PINK1: variants seen among roughly 807,000 people sequenced by gnomAD.
PINK1 encodes the protein PTEN induced kinase 1.
PINK1 carries 58 observed loss-of-function variants against 56.0 expected under a neutral mutation model. The observed-to-expected ratio is 1.04, with a 90% CI of 0.84 to 1.29. PINK1 has a LOEUF of 1.29. Ranked by LOEUF, PINK1 falls within the 50% of genes most tolerant of loss-of-function variation. The pLI, the probability that PINK1 is intolerant of heterozygous loss-of-function variation, is 0.00. For synonymous variants in PINK1, 354 were observed against 339.3 expected (o/e 1.04, Z -0.48); for missense variants, 745 against 777.9 (o/e 0.96, Z 0.50).
At chr1:20,644,936 C>T (rs1236384986) in intron 4 of PINK1, among the ~76,000 whole-genome samples, 1 of 152,258 alleles carries the variant, frequency 6.6e-6, no homozygotes, top group Admixed American at 6.5e-5. Context: ...TTAACCTTTT[C>T]TGTGGCTGGA....
At chr1:20,637,090 T>G (rs371166600) in intron 1 of PINK1, among the ~76,000 whole-genome samples, 2 of 152,324 alleles carry the variant, frequency 1.3e-5, no homozygotes, top group East Asian at 3.9e-4. Context: ...TGCAGAGCTG[T>G]GCCTGGCACC....
intron 5 of PINK1, 93 bp downstream of exon 5, chr1:20,645,816 T>G (rs1260164362): frequency 1.1e-5 from 11 of 1,012,544 alleles, no homozygotes; most frequent in Admixed American, 2.4e-5. Context: ...TCTCTGGTTT[T>G]GTGTTCTAAG....
intron 2 of PINK1, chr1:20,638,620 TAACAGAGTAAGACC>T: frequency 4.3e-6 from 1 of 230,478 alleles, no homozygotes; most frequent in East Asian, 1.1e-4. Flanking sequence ...CCAGCCTGGG[TAACAGAGTAAGACC>T]CTGTCTCAAA....
chr1:20,636,267 A>T (rs997815297), intron 1 of PINK1, among the ~76,000 whole-genome samples: 1 of 150,620 alleles, frequency 6.6e-6, no homozygotes, highest in Non-Finnish European at 1.5e-5. Context: ...TATGTTCCAT[A>T]TAATAGTATA....
chr1:20,636,074 G>A (rs1416902486), intron 1 of PINK1, among the ~76,000 whole-genome samples: 2 of 151,912 alleles, frequency 1.3e-5, no homozygotes, highest in African/African-American at 4.8e-5. Flanking sequence ...GGCTGAGGTG[G>A]GTGGATTGCT....
In PINK1 at chr1:20,641,355, G is replaced by A. The variant is rs756153745; in HGVS notation, c.776+1363G>A. On this transcript the variant is annotated intron_variant, in intron 3 of 7. Transcript: ENST00000321556. The surrounding 1 kb of genome is among the most constrained non-coding windows in gnomAD (Gnocchi z 4.0). The stretch of plus-strand genomic sequence containing the variant: ...TCCTTTTGTGGCATGAGTGGCAGCC[G>A]GCCGACGTGGTGCTGTCCTGCTGCC... Among the ~76,000 whole-genome samples, 3 of 152,030 alleles carry A rather than the reference G, an allele frequency of 2.0e-5. No homozygotes were observed. The highest frequency in any genetic ancestry group is 4.8e-5 in the African/African-American group (2 of 41,380).
chr1:20,640,366 A>G (rs1237049508), intron 3 of PINK1, among the ~76,000 whole-genome samples: 5 of 151,790 alleles, frequency 3.3e-5, no homozygotes, highest in Admixed American at 3.3e-4. Flanking sequence ...TTTCACTAAT[A>G]GTTATGTGCA....
intron 3 of PINK1, 110 bp from the exon 4 acceptor site, chr1:20,644,380 A>G: frequency 8.1e-7 from 1 of 1,231,568 alleles, no homozygotes; most frequent in Non-Finnish European, 1.2e-6. Context: ...AACATTTGAT[A>G]GTAAGTGAAT....
chr1:20,648,901 G>A (rs2053226991), intron 6 of PINK1, 94 bp from the exon 7 acceptor site: 2 of 1,436,238 alleles, frequency 1.4e-6, no homozygotes, highest in East Asian at 4.6e-5. Context: ...CCTTGGGACA[G>A]AGTTCAGATT....
In PINK1 at chr1:20,633,695, C is replaced by T. The variant is rs1170352013; in HGVS notation, c.147C>T (p.Ala49=). 6.6e-7 allele frequency: 1 copy of T among 1,507,006 alleles called. No individual in the cohort carries two copies. Among genetic ancestry groups the T allele is most frequent in the African/African-American group, 1.4e-5 (1 of 70,122 alleles). 93.4% of individuals were successfully genotyped at this position (1,507,006 alleles called of 1,614,324 possible). A position where few individuals can be genotyped will look rare whatever the true frequency, so the allele number is the denominator to read the frequency against. The part of the protein sequence containing the change: ...GCVRGERPGW[A]AGPGAEPRRV... ...TCCGCGGGGAGCGTCCAGGCTGGGC[C>T]GCAGGACCGGGCGCGGAGCCTCGCA... Residue 49 remains alanine, a synonymous_variant, in exon 1 of 8, where the codon GCC becomes GCT. Transcript: ENST00000321556.
At chr1:20,650,087 A>T (rs2053246396) in intron 7 of PINK1, 2 of 372,750 alleles carry the variant, frequency 5.4e-6, no homozygotes, top group South Asian at 2.3e-5. Flanking sequence ...TGCGCAGTGA[A>T]GGTTAGAACA....
At chr1:20,635,931 C>A (rs1434002764) in intron 1 of PINK1, among the ~76,000 whole-genome samples, 1 of 152,150 alleles carries the variant, frequency 6.6e-6, no homozygotes, top group Admixed American at 6.5e-5. Context: ...CTTTGGGAGG[C>A]CAAGGTGAGA....
At chr1:20,647,844 CAG>C (rs1201744580) in intron 5 of PINK1, among the ~76,000 whole-genome samples, 8 of 151,998 alleles carry the variant, frequency 5.3e-5, no homozygotes, top group Admixed American at 2.6e-4. Flanking sequence ...TTTTCTGAGA[CAG>C]AGTCTCGCTG....
At position 20,644,519 on chromosome 1, in the gene PINK1, C is replaced by T. The variant is rs780971409; in HGVS notation, c.806C>T (p.Ala269Val). Residue 269 changes from alanine (A) to valine (V), a missense_variant, in exon 4 of 8, where the codon GCC (alanine) becomes GTC (valine). Physicochemically the swap from Ala to Val is moderately conservative, Grantham distance 64. Transcript: ENST00000321556. ...TCCAAGAGAGGTCCCAAGCAACTAG[C>T]CCCTCACCCCAACATCATCCGGGTT... The part of the protein sequence containing the change: ...RKSKRGPKQL[A>V]PHPNIIRVLR... 11 of 1,614,076 alleles carry T rather than the reference C, an allele frequency of 6.8e-6. No individual in the cohort carries two copies. The South Asian group carries it at 9.9e-5, about 14-fold the overall frequency.
intron 7 of PINK1, chr1:20,650,072 C>A: frequency 2.8e-6 from 1 of 359,888 alleles, no homozygotes; most frequent in South Asian, 2.3e-5. Flanking sequence ...GGCCTGCTAT[C>A]TTGGTGCGCA....
chr1:20,645,154 C>T (rs1192829548), intron 4 of PINK1, among the ~76,000 whole-genome samples: 3 of 152,066 alleles, frequency 2.0e-5, no homozygotes, highest in African/African-American at 7.2e-5. Context: ...CAAAGTGCTC[C>T]TGGAAGGGGA....
chr1:20,651,017 T>TAACA lies in PINK1; in HGVS notation c.*327_*330dup, dbSNP rs899289739. 22 of 407,592 alleles carry TAACA rather than the reference T, an allele frequency of 5.4e-5. No individual in the cohort carries two copies. Among genetic ancestry groups the TAACA allele is most frequent in the Non-Finnish European group, 5.1e-5 (11 of 216,146 alleles). The allele number at this position is 407,592 out of a possible 1,614,324, so 25.2% of individuals were successfully genotyped here. On this transcript the variant is annotated 3_prime_UTR_variant, in exon 8 of 8. Coordinates refer to ENST00000321556, the MANE Select transcript of PINK1 (RefSeq NM_032409.3). ...AGAGTTTGGCTGTGACCTTTGCCCC[T>TAACA]AACACGAGGAACTCGTTTGAAGGGG...
chr1:20,639,907 G>T lies in PINK1; in HGVS notation c.691G>T (p.Glu231Ter). Residue 231 changes from glutamate to a stop codon, truncating the protein, a stop_gained, in exon 3 of 8, where the codon GAA becomes TAA. Coordinates refer to ENST00000321556, the MANE Select transcript of PINK1 (RefSeq NM_032409.3). LOFTEE classifies it high-confidence loss of function. ...GGTGTTCCAGGCAGGTTCCTCCAGC[G>T]AAGCCATCTTGAACACAATGAGCCA... ...MWNISAGSSS[E>*]AILNTMSQEL... The T allele has an allele frequency of 6.2e-7, 1 of 1,612,836 alleles. No homozygotes were observed. The highest frequency in any genetic ancestry group is 8.5e-7 in the Non-Finnish European group (1 of 1,179,588).
intron 1 of PINK1, among the ~76,000 whole-genome samples, chr1:20,634,995 G>T (rs2053042120): frequency 6.6e-6 from 1 of 152,094 alleles, no homozygotes; most frequent in African/African-American, 2.4e-5. Context: ...GTGACATCTG[G>T]CCTAGTCCCC....
Sources: allele counts gnomAD v4.1 joint callset (sites outside exome capture counted in the v4.1 genomes callset), GRCh38; gene constraint gnomAD v4.1.1; non-coding constraint Gnocchi (gnomAD v3.1); transcripts MANE v1.5; gene names NCBI Gene and HGNC (gene_info 2026-07-23, HGNC 2026-07-21).